Variants in NRK observed in about 807,000 individuals in gnomAD.
NRK encodes the protein Nik related kinase, also known as nik-related protein kinase.
NRK carries 67 observed loss-of-function variants against 125.2 expected under a neutral mutation model. The ratio of observed to expected loss-of-function variants is 0.54; its 90% CI spans 0.44 to 0.66. The LOEUF is 0.66. NRK is among the 30% of genes least tolerant of loss of function. The pLI, the probability that NRK is intolerant of heterozygous loss-of-function variation, is 0.00. For synonymous variants in NRK, 458 were observed against 429.0 expected, an observed-to-expected ratio of 1.07 and a Z score of -0.84; for missense variants, 1,224 against 1,192.9, an observed-to-expected ratio of 1.03 and a Z score of -0.38.
chrX:105,834,448 T>C (rs1300924779), intron 2 of NRK, among the ~76,000 whole-genome samples: 6 of 108,300 alleles, frequency 5.5e-5, no homozygotes, highest in Admixed American at 9.9e-5. Flanking sequence ...TGGAGGTGTG[T>C]GCGTGTGTGT....
intron 6 of NRK, chrX:105,895,210 G>T (rs1418898657): frequency 5.9e-6 from 3 of 511,423 alleles, no homozygotes; most frequent in Admixed American, 2.8e-5. Flanking sequence ...TTTCGTGGGT[G>T]TCCTGATTTA....
At chrX:105,937,657 C>A in intron 22 of NRK, 75 bp downstream of exon 22, 2 of 737,179 alleles carry the variant, frequency 2.7e-6, no homozygotes, top group Non-Finnish European at 2.0e-6. Context: ...AAGACTTTCT[C>A]AGGTTAAAGT....
chrX:105,925,898 G>A (rs1602680904), intron 19 of NRK, among the ~76,000 whole-genome samples: 1 of 111,120 alleles, frequency 9.0e-6, no homozygotes, highest in East Asian at 2.8e-4. Context: ...GATTAGTACT[G>A]CAGTAAATAT....
chrX:105,915,286 A>C (rs1267383288), intron 14 of NRK, among the ~76,000 whole-genome samples: 1 of 110,888 alleles, frequency 9.0e-6, no homozygotes, highest in African/African-American at 3.3e-5. Context: ...TAAAAGGATG[A>C]GTGTATAAGA....
At chrX:105,889,816 A>C (rs1008990250) in intron 5 of NRK, among the ~76,000 whole-genome samples, 1 of 112,271 alleles carries the variant, frequency 8.9e-6, no homozygotes, top group Non-Finnish European at 1.9e-5. Flanking sequence ...TGCACACAGC[A>C]AGAGGACCCT....
At chrX:105,875,138 C>T (rs2039797075) in intron 2 of NRK, among the ~76,000 whole-genome samples, 1 of 111,512 alleles carries the variant, frequency 9.0e-6, no homozygotes, top group South Asian at 3.7e-4. Context: ...GCATTTGGTT[C>T]TATTCTCTAA....
chrX:105,887,416 A>G (rs2039961560), intron 4 of NRK, among the ~76,000 whole-genome samples: 1 of 112,097 alleles, frequency 8.9e-6, no homozygotes, highest in African/African-American at 3.2e-5. Context: ...TAATAATAAA[A>G]CAGAAAATAG....
intron 7 of NRK, 85 bp downstream of exon 7, chrX:105,895,608 C>T (rs922035968): frequency 1.6e-6 from 1 of 619,247 alleles, no homozygotes; most frequent in African/African-American, 2.2e-5. Context: ...CTATCATGTC[C>T]CTGCCAATAT....
intron 26 of NRK, chrX:105,948,506 T>A (rs1418937204): frequency 5.3e-6 from 2 of 376,741 alleles, no homozygotes. Context: ...TCAGGAATCA[T>A]CTGAGAAGCA....
chrX:105,930,176 C>A (rs2147778205), intron 19 of NRK, among the ~76,000 whole-genome samples: 1 of 111,464 alleles, frequency 9.0e-6, no homozygotes, highest in East Asian at 2.8e-4. Context: ...TTTTCTACAT[C>A]TTTTCATCCT....
At chrX:105,939,129 TG>T (rs2040703527) in intron 22 of NRK, among the ~76,000 whole-genome samples, 1 of 111,624 alleles carries the variant, frequency 9.0e-6, no homozygotes, top group Non-Finnish European at 1.9e-5. Flanking sequence ...ACCCTAACAC[TG>T]CTTCAAAAAT....
intron 8 of NRK, among the ~76,000 whole-genome samples, chrX:105,899,122 A>G (rs1402922591): frequency 8.9e-6 from 1 of 112,227 alleles, no homozygotes; most frequent in East Asian, 2.8e-4. Context: ...AAAAGACAAA[A>G]AATAATTTGA....
At chrX:105,896,363 AATAG>A (rs1209439257) in intron 7 of NRK, among the ~76,000 whole-genome samples, 3 of 112,187 alleles carry the variant, frequency 2.7e-5, no homozygotes, top group African/African-American at 9.7e-5. Context: ...TTTCTTGCTA[AATAG>A]ATAGAACAAG....
chrX:105,895,114 C>T lies in NRK; in HGVS notation c.490-319C>T, dbSNP rs963994196. On this transcript the variant is annotated intron_variant, in intron 6 of 28. Transcript: ENST00000243300. Reference sequence around the variant, plus strand: ...GATATTCAAGATGTCCAGATCTTTACTCTTATGGCTAGTTGGAAATACGGA... The same window carrying T: ...GATATTCAAGATGTCCAGATCTTTATTCTTATGGCTAGTTGGAAATACGGA... 3.1e-4 allele frequency: 140 copies of T among 448,365 alleles called. No individual in the cohort carries two copies. The East Asian group carries it at 5.0e-3, about 16-fold the overall frequency. 37.0% of individuals were successfully genotyped at this position (448,365 alleles called of 1,213,427 possible).
intron 20 of NRK, 93 bp from the exon 21 acceptor site, chrX:105,935,077 A>G: frequency 1.5e-6 from 1 of 661,714 alleles, no homozygotes; most frequent in African/African-American, 2.2e-5. Flanking sequence ...TAACTCCATC[A>G]GGTGCAGATT....
Position 105,909,346 on chromosome X carries a change from G to T in NRK, c.1705G>T (p.Ala569Ser). The T allele has an allele frequency of 8.3e-7, 1 of 1,207,093 alleles. No homozygotes were observed. Among genetic ancestry groups the T allele is most frequent in the Non-Finnish European group, 1.1e-6 (1 of 892,433 alleles). Residue 569 changes from alanine to serine, a missense_variant, in exon 13 of 29, where the codon GCA (alanine) becomes TCA (serine). Ala to Ser is a moderately conservative substitution (Grantham distance 99). Coordinates refer to ENST00000243300, the MANE Select transcript of NRK (RefSeq NM_198465.4). ...GGTACAGGAACAGGCTGCCGAGCCT[G>T]CACAGGCAGAGACTGAGGCAGAGGA... The part of the protein sequence containing the change: ...PEVQEQAAEP[A>S]QAETEAEEPE...
chrX:105,830,487 A>G (rs1427805148), intron 1 of NRK, among the ~76,000 whole-genome samples: 4 of 110,369 alleles, frequency 3.6e-5, no homozygotes, highest in Non-Finnish European at 7.6e-5. Flanking sequence ...TTACACGACT[A>G]CTTAATGTCC....
intron 14 of NRK, among the ~76,000 whole-genome samples, chrX:105,913,959 C>T (rs1002785226): frequency 3.6e-5 from 4 of 110,370 alleles, no homozygotes; most frequent in Admixed American, 1.9e-4. Flanking sequence ...TTGGTGAGGC[C>T]GGAGTTGTAG....
intron 5 of NRK, among the ~76,000 whole-genome samples, chrX:105,888,973 C>T (rs749534003): frequency 4.5e-5 from 5 of 111,552 alleles, no homozygotes; most frequent in African/African-American, 1.3e-4. Flanking sequence ...GGTTTCAGAA[C>T]CAATCATGCC....
Sources: gnomAD v4.1 joint callset for allele counts (sites outside exome capture counted in the v4.1 genomes callset) on GRCh38, gnomAD v4.1.1 for gene constraint, MANE v1.5 for transcripts, NCBI Gene and HGNC (gene_info 2026-07-23, HGNC 2026-07-21) for gene names.